HNRNPUL2: variants seen among roughly 807,000 people sequenced by gnomAD.
HNRNPUL2 encodes the protein heterogeneous nuclear ribonucleoprotein U like 2, also known as heterogeneous nuclear ribonucleoprotein U-like protein 2.
A neutral mutation model predicts 102.2 loss-of-function variants in HNRNPUL2; 27 were observed. That is an observed-to-expected ratio of 0.26 (90% CI 0.19 to 0.36). HNRNPUL2 has a LOEUF of 0.36. Ranked by LOEUF, HNRNPUL2 falls within the 10% of genes least tolerant of loss-of-function variation. HNRNPUL2 has a pLI of 1.00. For synonymous variants in HNRNPUL2, 458 were observed against 387.2 expected (o/e 1.18, Z -2.15); for missense variants, 936 against 981.1 (o/e 0.95, Z 0.61).
In HNRNPUL2 at chr11:62,724,133, G is replaced by A. The variant is rs569990951; in HGVS notation, c.675-143C>T. ...CAGCTTTTTCCAATAAATGAGAAAG[G>A]GCAATAGGAGTTTCCATGGTAGATG... On this transcript the variant is annotated intron_variant, in intron 2 of 13. Coordinates refer to ENST00000301785, the MANE Select transcript of HNRNPUL2 (RefSeq NM_001079559.3). 3.0e-5 allele frequency: 35 copies of A among 1,174,616 alleles called. 1 individual carries two copies. Among genetic ancestry groups the A allele is most frequent in the Middle Eastern group, 2.6e-4 (1 of 3,878 alleles). 72.8% of individuals were successfully genotyped at this position (1,174,616 alleles called of 1,614,324 possible).
At chr11:62,726,293 G>A (rs2083745745) in intron 1 of HNRNPUL2, among the ~76,000 whole-genome samples, 1 of 152,134 alleles carries the variant, frequency 6.6e-6, no homozygotes, top group Non-Finnish European at 1.5e-5. Context: ...CAATTGCTTA[G>A]CACTTTCTCA....
intron 1 of HNRNPUL2, among the ~76,000 whole-genome samples, chr11:62,725,109 A>G (rs1181424759): frequency 6.6e-6 from 1 of 152,236 alleles, no homozygotes; most frequent in African/African-American, 2.4e-5. Context: ...CTGCAAGAGG[A>G]AAAAACTTGG....
At chr11:62,716,941 C>G (rs2083664695) in intron 11 of HNRNPUL2, 48 bp downstream of exon 11, 1 of 1,602,686 alleles carries the variant, frequency 6.2e-7, no homozygotes, top group African/African-American at 1.3e-5. Context: ...CTGTACTAAG[C>G]ACAAAGAATG....
rs900323917 is a variant in HNRNPUL2, at chr11:62,715,215, G to C, written c.*84C>G. The C allele has an allele frequency of 2.0e-4, 107 of 524,524 alleles. 1 individual carries two copies. The highest frequency in any genetic ancestry group is 2.7e-4 in the Non-Finnish European group (99 of 363,924). 32.5% of individuals were successfully genotyped at this position (524,524 alleles called of 1,614,324 possible). On this transcript the variant is annotated 3_prime_UTR_variant, in exon 14 of 14. Coordinates refer to ENST00000301785, the MANE Select transcript of HNRNPUL2 (RefSeq NM_001079559.3). ...GCTCAGCCCCACCCCGACAGCCCCT[G>C]TTTTCCTTGGTTGTGTTTTGCGGGG... is the stretch of plus-strand genomic sequence containing the variant.
intron 2 of HNRNPUL2, 126 bp from the exon 3 acceptor site, chr11:62,724,116 T>C: frequency 8.4e-7 from 1 of 1,186,540 alleles, no homozygotes; most frequent in East Asian, 2.4e-5. Context: ...GACAGCTTTT[T>C]CCAATAAATG....
chr11:62,725,037 A>C (rs2083733897), intron 1 of HNRNPUL2, among the ~76,000 whole-genome samples: 1 of 152,238 alleles, frequency 6.6e-6, no homozygotes, highest in South Asian at 2.1e-4. Flanking sequence ...ATCCATAAAT[A>C]ATACCGCATC....
chr11:62,719,302 TTAGC>T lies in HNRNPUL2; in HGVS notation c.1780+717_1780+720del, dbSNP rs564725836. On this transcript the variant is annotated intron_variant, in intron 10 of 13. Coordinates refer to ENST00000301785, the MANE Select transcript of HNRNPUL2 (RefSeq NM_001079559.3). ...CCCATCTCTACTAAAAATACAAAAA[TTAGC>T]TAGGCATGGTGGCACATGCTTGTAA... is the stretch of plus-strand genomic sequence containing the variant. 8.0e-4 allele frequency among the ~76,000 whole-genome samples: 122 copies of T among 152,174 alleles called. 1 individual carries two copies. In the South Asian group the frequency reaches 0.024, roughly 30 times the overall value.
At position 62,727,340 on chromosome 11, in the gene HNRNPUL2, T is replaced by G. The variant is rs2083766004; in HGVS notation, c.-184A>C. On this transcript the variant is annotated 5_prime_UTR_variant, in exon 1 of 14. Transcript: ENST00000301785. ...ACGGTCCCGCTGCGCAGTGTTTGCT[T>G]CTCCTTCGTCTCCCCTCCCCCTTTC... 1.6e-5 allele frequency: 11 copies of G among 667,660 alleles called. No individual in the cohort carries two copies. In the East Asian group the frequency reaches 4.4e-4, roughly 27 times the overall value. 41.4% of individuals were successfully genotyped at this position (667,660 alleles called of 1,614,324 possible). A position where few individuals can be genotyped will look rare whatever the true frequency, so the allele number is the denominator to read the frequency against.
chr11:62,720,971 T>C (rs1023859471), intron 9 of HNRNPUL2, among the ~76,000 whole-genome samples: 2 of 151,404 alleles, frequency 1.3e-5, no homozygotes, highest in African/African-American at 4.9e-5. Flanking sequence ...ACATGACAGG[T>C]ATTATCCTGT....
chr11:62,715,734 A>G, intron 12 of HNRNPUL2, 127 bp from the exon 13 acceptor site: 3 of 1,140,092 alleles, frequency 2.6e-6, no homozygotes, highest in Non-Finnish European at 3.9e-6. Context: ...TCCCATAGTA[A>G]ATCTTCCAGA....
chr11:62,718,168 C>T (rs2083674197), intron 10 of HNRNPUL2, among the ~76,000 whole-genome samples: 5 of 151,738 alleles, frequency 3.3e-5, no homozygotes, highest in South Asian at 2.1e-4. Context: ...TTGCTAGACT[C>T]GGTGGGATGT....
Position 62,721,347 on chromosome 11 carries a change from C to T in HNRNPUL2, c.1559G>A (p.Ser520Asn). ...CCGGGAAGCAATCTGGACCAGCTTA[C>T]TAAGGCACTGGGAGGCTTGCTGAAC... ...LLVQQASQCL[S>N]KLVQIASRTK... The change falls in exon 9 of 14, where the codon AGT (serine) becomes AAT (asparagine). Residue 520 changes from serine to asparagine, a missense_variant. Ser to Asn is a conservative substitution (Grantham distance 46). This residue lies in a region of HNRNPUL2 where 609 missense variants were observed against 713.0 expected (regional missense o/e 0.85). Coordinates refer to ENST00000301785, the MANE Select transcript of HNRNPUL2 (RefSeq NM_001079559.3). 1 of 1,610,384 alleles carries T rather than the reference C, an allele frequency of 6.2e-7. No homozygotes were observed. Among genetic ancestry groups the T allele is most frequent in the Non-Finnish European group, 8.5e-7 (1 of 1,178,850 alleles).
intron 1 of HNRNPUL2, among the ~76,000 whole-genome samples, chr11:62,724,769 T>G (rs2083731329): frequency 6.6e-6 from 1 of 152,200 alleles, no homozygotes; most frequent in Non-Finnish European, 1.5e-5. Context: ...TAAGAAAACC[T>G]CAAAGGTTAA....
chr11:62,720,003 A>G lies in HNRNPUL2; in HGVS notation c.1780+20T>C, dbSNP rs759238148. ...TATGGTATTCTGTTATAGCAGCAGA[A>G]AATGGACTAAGACACCCACCTTTCA... On this transcript the variant is annotated intron_variant, in intron 10 of 13. Transcript: ENST00000301785. 1 of 1,609,848 alleles carries G rather than the reference A, an allele frequency of 6.2e-7. No individual in the cohort carries two copies. The highest frequency in any genetic ancestry group is 2.2e-5 in the East Asian group (1 of 44,864).
At chr11:62,718,330 T>C (rs1347660028) in intron 10 of HNRNPUL2, among the ~76,000 whole-genome samples, 1 of 152,094 alleles carries the variant, frequency 6.6e-6, no homozygotes, top group Non-Finnish European at 1.5e-5. Flanking sequence ...AACACAAACA[T>C]AACGTGATAC....
chr11:62,719,076 T>A (rs1039941542), intron 10 of HNRNPUL2, among the ~76,000 whole-genome samples: 4 of 152,072 alleles, frequency 2.6e-5, no homozygotes, highest in African/African-American at 9.7e-5. Context: ...TCCACCCACC[T>A]CAACCTCCCA....
chr11:62,720,098 A>G lies in HNRNPUL2; in HGVS notation c.1705T>C (p.Trp569Arg). The change falls in exon 10 of 14, where the codon TGG (tryptophan) becomes CGG (arginine). Residue 569 changes from tryptophan to arginine, a missense_variant. Transcript: ENST00000301785. ...VVVVVPNEED[W>R]KKRLELRKEV... ...TTCCTCAACTCCAGCCTCTTCTTCCAATCTTCCTCATTAGGGACAACCACC... is the reference window on the plus strand; with the variant it reads ...TTCCTCAACTCCAGCCTCTTCTTCCGATCTTCCTCATTAGGGACAACCACC... 1 of 1,614,186 alleles carries G rather than the reference A, an allele frequency of 6.2e-7. No homozygotes were observed. The highest frequency in any genetic ancestry group is 8.5e-7 in the Non-Finnish European group (1 of 1,180,016).
intron 3 of HNRNPUL2, 86 bp downstream of exon 3, chr11:62,723,828 A>C: frequency 6.3e-7 from 1 of 1,598,770 alleles, no homozygotes; most frequent in South Asian, 1.1e-5. Context: ...AAAGTCTCAT[A>C]GAATTTATAG....
chr11:62,727,158 G>A lies in HNRNPUL2; in HGVS notation c.-2C>T. The stretch of plus-strand genomic sequence containing the variant: ...CACTTTCAGCCGCTTCACCTCCATC[G>A]CCGCCGCCGCCTCCTCCGCCTCCCG... On this transcript the variant is annotated 5_prime_UTR_variant, in exon 1 of 14. Transcript: ENST00000301785. 1.4e-6 allele frequency: 2 copies of A among 1,424,162 alleles called. No individual in the cohort carries two copies. The highest frequency in any genetic ancestry group is 1.8e-6 in the Non-Finnish European group (2 of 1,089,924). 88.2% of individuals were successfully genotyped at this position (1,424,162 alleles called of 1,614,324 possible).
Sources: allele counts gnomAD v4.1 joint callset (sites outside exome capture counted in the v4.1 genomes callset), GRCh38; gene constraint gnomAD v4.1.1; regional missense constraint gnomAD v4.1.1; transcripts MANE v1.5; gene names NCBI Gene and HGNC (gene_info 2026-07-23, HGNC 2026-07-21).